Variants in DNAH6 observed in about 807,000 individuals in gnomAD.
The protein encoded by DNAH6 is dynein axonemal heavy chain 6.
A neutral mutation model predicts 491.4 loss-of-function variants in DNAH6; 340 were observed. The observed-to-expected ratio is 0.69, with a 90% CI of 0.63 to 0.76. DNAH6 has a LOEUF of 0.76. Among genes scored for constraint, DNAH6 ranks in the 30% least tolerant of loss-of-function variants. The pLI is 0.00. For synonymous variants in DNAH6, 1,603 were observed against 1,686.1 expected (o/e 0.95, Z 1.21); for missense variants, 4,443 against 4,972.2 (o/e 0.89, Z 3.20).
intron 40 of DNAH6, among the ~76,000 whole-genome samples, chr2:84,673,995 G>A (rs981273488): frequency 1.3e-5 from 2 of 152,152 alleles, no homozygotes; most frequent in African/African-American, 4.8e-5. Context: ...GGGAGAAGGG[G>A]GAACCTAGGT....
chr2:84,799,019 G>T (rs531368577), intron 70 of DNAH6, among the ~76,000 whole-genome samples: 4 of 140,654 alleles, frequency 2.8e-5, no homozygotes, highest in Non-Finnish European at 6.0e-5. Flanking sequence ...ACGGAGTCTC[G>T]CTCTGTCATT....
rs1197665302 is a variant in DNAH6 at position 84,624,540 on chromosome 2, G to A, written c.4273G>A (p.Ala1425Thr). Residue 1425 changes from alanine (A) to threonine (T), a missense_variant, in exon 28 of 77, where the codon GCT becomes ACT. Ala to Thr is a moderately conservative substitution (Grantham distance 58, BLOSUM62 0). Around this residue, in one of 3 missense-constraint regions of DNAH6, gnomAD observed 2,977 missense variants for 3,296.6 expected, o/e 0.90. Transcript: ENST00000389394. ...GGATATAGACCTGGATAATTGTGTG[G>A]CTAGAATGGCGCTCTCTCAGTACAC... ...YWDIDLDNCV[A>T]RMALSQYTYG... 3.2e-6 allele frequency: 5 copies of A among 1,551,620 alleles called. No homozygotes were observed. Among genetic ancestry groups the A allele is most frequent in the Non-Finnish European group, 4.4e-6 (5 of 1,146,976 alleles).
In DNAH6 at chr2:84,531,016, T is replaced by C. The variant is rs540134287; in HGVS notation, c.662+1850T>C. Among the ~76,000 whole-genome samples the C allele has an allele frequency of 3.3e-5, 5 of 152,192 alleles. No individual in the cohort carries two copies. The East Asian group carries it at 9.7e-4, about 29-fold the overall frequency. On this transcript the variant is annotated intron_variant, in intron 4 of 76. Transcript: ENST00000389394. ...TACGGGCACAGCTTGGCTTTATACA[T>C]TTTAGGAAGACACGAGACATCAATT...
chr2:84,793,209 C>T (rs1677951501), intron 68 of DNAH6, among the ~76,000 whole-genome samples: 1 of 142,446 alleles, frequency 7.0e-6, no homozygotes, highest in Non-Finnish European at 1.5e-5. Flanking sequence ...CACGCATGCA[C>T]ACACGTACAC....
chr2:84,717,349 A>G (rs901114413), intron 58 of DNAH6, among the ~76,000 whole-genome samples: 5 of 152,202 alleles, frequency 3.3e-5, no homozygotes, highest in African/African-American at 1.2e-4. Flanking sequence ...TATTCTTTAT[A>G]TAATAATTTC....
intron 68 of DNAH6, among the ~76,000 whole-genome samples, chr2:84,788,023 G>T (rs572751342): frequency 6.6e-6 from 1 of 152,228 alleles, no homozygotes; most frequent in South Asian, 2.1e-4. Context: ...CAGCAGAAGG[G>T]TATCAGGTGA....
intron 37 of DNAH6, among the ~76,000 whole-genome samples, chr2:84,665,356 G>C (rs1691996038): frequency 6.6e-6 from 1 of 151,902 alleles, no homozygotes; most frequent in Non-Finnish European, 1.5e-5. Context: ...CCACTAGCAA[G>C]ACTAATAAAG....
intron 21 of DNAH6, among the ~76,000 whole-genome samples, chr2:84,609,478 G>A (rs1265701139): frequency 6.6e-6 from 1 of 151,974 alleles, no homozygotes; most frequent in Non-Finnish European, 1.5e-5. Context: ...GTGTCTCAGG[G>A]AATAACAGGG....
chr2:84,700,982 G>A (rs1695848574), intron 48 of DNAH6, 115 bp from the exon 49 acceptor site: 1 of 1,206,502 alleles, frequency 8.3e-7, no homozygotes, highest in Non-Finnish European at 1.1e-6. Context: ...GAGTTAACTA[G>A]GTGAAGAGGG....
Position 84,705,554 on chromosome 2 carries a change from A to G in DNAH6, c.8534A>G (p.Asp2845Gly), listed in dbSNP as rs1408377932. 2 of 1,551,536 alleles carry G rather than the reference A, an allele frequency of 1.3e-6. No individual in the cohort carries two copies. Among genetic ancestry groups the G allele is most frequent in the Non-Finnish European group, 1.7e-6 (2 of 1,146,960 alleles). ...SNFLKRLLEY[D>G]KENIKPQILA... ...TTTCTAAAAAGGCTTTTAGAATATG[A>G]TAAGGAGAACATAAAGCCTCAGATA... is the stretch of plus-strand genomic sequence containing the variant. Residue 2845 changes from aspartate (D) to glycine (G), a missense_variant, in exon 52 of 77, where the codon GAT becomes GGT. This residue lies in a region of DNAH6 where 1,463 missense variants were observed against 1,656.6 expected (regional missense o/e 0.88). Coordinates refer to ENST00000389394, the MANE Select transcript of DNAH6 (RefSeq NM_001370.2).
intron 23 of DNAH6, 124 bp from the exon 24 acceptor site, chr2:84,619,561 T>C: frequency 1.2e-6 from 1 of 810,728 alleles, no homozygotes; most frequent in East Asian, 2.7e-5. Flanking sequence ...CCATGACCAG[T>C]ATAATTGGAG....
At chr2:84,537,244 A>T (rs1418461743) in intron 4 of DNAH6, among the ~76,000 whole-genome samples, 1 of 152,092 alleles carries the variant, frequency 6.6e-6, no homozygotes, top group Non-Finnish European at 1.5e-5. Flanking sequence ...TAGCTGCATT[A>T]GGAGGAACTA....
chr2:84,803,414 G>A lies in DNAH6; in HGVS notation c.11482-2251G>A, dbSNP rs540105001. Among the ~76,000 whole-genome samples the A allele has an allele frequency of 3.4e-4, 52 of 152,212 alleles. 1 individual carries two copies. The South Asian group carries it at 3.7e-3, about 11-fold the overall frequency. On this transcript the variant is annotated intron_variant, in intron 70 of 76. Coordinates refer to ENST00000389394, the MANE Select transcript of DNAH6 (RefSeq NM_001370.2). ...AACCTCAGCACCATGCAATATATCC[G>A]TGTAACAAATGTGCACGTGTACCCT...
intron 63 of DNAH6, among the ~76,000 whole-genome samples, chr2:84,753,351 T>A (rs1328452409): frequency 5.9e-5 from 9 of 152,240 alleles, no homozygotes; most frequent in Non-Finnish European, 1.3e-4. Context: ...CTTGGTAGTG[T>A]CCTTTTGAAG....
intron 8 of DNAH6, 27 bp downstream of exon 8, chr2:84,548,444 A>T: frequency 6.2e-7 from 1 of 1,612,806 alleles, no homozygotes; most frequent in Non-Finnish European, 8.5e-7. Flanking sequence ...TTTCAAGAAA[A>T]ATTGTAGTAC....
chr2:84,482,627 G>C, the DNAH6 span, among the ~76,000 whole-genome samples: 1 of 152,252 alleles, frequency 6.6e-6, no homozygotes, highest in African/African-American at 2.4e-5. Flanking sequence ...AACAACCCCA[G>C]ATTCACAGCT....
chr2:84,471,681 G>A, the DNAH6 span, among the ~76,000 whole-genome samples: 230 of 152,220 alleles, frequency 1.5e-3, 1 homozygote, highest in South Asian at 0.019. Context: ...TTCCATGGTC[G>A]TACACATCTT....
At chr2:84,590,362 G>A (rs945233469) in intron 16 of DNAH6, among the ~76,000 whole-genome samples, 1 of 151,936 alleles carries the variant, frequency 6.6e-6, no homozygotes, top group African/African-American at 2.4e-5. Context: ...GGGCGTAGTG[G>A]CAGGCGCCTG....
At chr2:84,634,155 T>A (rs1440885667) in intron 29 of DNAH6, among the ~76,000 whole-genome samples, 1 of 152,210 alleles carries the variant, frequency 6.6e-6, no homozygotes, top group Non-Finnish European at 1.5e-5. Context: ...ATTAGTAAAA[T>A]TTTTCAAGTT....
Sources: gnomAD v4.1 joint callset for allele counts (sites outside exome capture counted in the v4.1 genomes callset) on GRCh38, gnomAD v4.1.1 for gene constraint, gnomAD v4.1.1 regional missense constraint, MANE v1.5 for transcripts, NCBI Gene and HGNC (gene_info 2026-07-23, HGNC 2026-07-21) for gene names.